Variants in GPR55 observed in about 807,000 individuals in gnomAD.
GPR55 encodes G-protein coupled receptor 55.
In GPR55, 6 loss-of-function variants were observed where a neutral mutation model predicts 7.9. That is an observed-to-expected ratio of 0.76 (90% CI 0.41 to 1.49). GPR55 has a LOEUF of 1.49. GPR55 is among the 40% of genes most tolerant of loss of function. GPR55 has a pLI of 0.01. For missense variants in GPR55, 376 were observed against 406.0 expected, an observed-to-expected ratio of 0.93 and a Z score of 0.63; for synonymous variants, 183 against 166.8, an observed-to-expected ratio of 1.10 and a Z score of -0.75.
At chr2:230,954,948 T>C (rs1166012942) in intron 1 of GPR55, among the ~76,000 whole-genome samples, 1 of 152,218 alleles carries the variant, frequency 6.6e-6, no homozygotes, top group African/African-American at 2.4e-5. Context: ...GAATCCTTAA[T>C]ATAGTCTTCT....
chr2:230,912,411 G>A (rs1411013701), intron 1 of GPR55, among the ~76,000 whole-genome samples: 8 of 152,098 alleles, frequency 5.3e-5, no homozygotes, highest in Admixed American at 5.2e-4. Context: ...AGTGACCACT[G>A]CAGCTATTTA....
Position 230,907,628 on chromosome 2 carries a change from C to G in GPR55, c.*2375G>C, listed in dbSNP as rs965841135. ...ACAGGTCCATAGTTGTCACATCACA[C>G]TGAGACTGCTGATACCCTCCAAGGA... On this transcript the variant is annotated 3_prime_UTR_variant, in exon 2 of 2. Transcript: ENST00000650999. 1 of 152,294 alleles carries G rather than the reference C, an allele frequency of 6.6e-6. No individual in the cohort carries two copies. Among genetic ancestry groups the G allele is most frequent in the African/African-American group, 2.4e-5 (1 of 41,438 alleles). The allele number at this position is 152,294 out of a possible 1,614,324, so 9.4% of individuals were successfully genotyped here. A position where few individuals can be genotyped will look rare whatever the true frequency, so the allele number is the denominator to read the frequency against.
intron 1 of GPR55, among the ~76,000 whole-genome samples, chr2:230,956,533 T>C (rs943038226): frequency 9.3e-4 from 142 of 152,270 alleles, no homozygotes; most frequent in African/African-American, 3.4e-3. Context: ...AAACACCCAA[T>C]TACCCTTCAC....
At chr2:230,947,354 C>T (rs965091686) in intron 1 of GPR55, among the ~76,000 whole-genome samples, 2 of 152,102 alleles carry the variant, frequency 1.3e-5, no homozygotes, top group African/African-American at 2.4e-5. Context: ...GGCAAGAGCA[C>T]GATGAAAGAG....
intron 1 of GPR55, among the ~76,000 whole-genome samples, chr2:230,912,017 G>A (rs978666546): frequency 2.0e-5 from 3 of 152,032 alleles, no homozygotes; most frequent in Non-Finnish European, 4.4e-5. Context: ...ACTCAAATAC[G>A]ACCCAACTTC....
At position 230,944,199 on chromosome 2, in the gene GPR55, A is replaced by C. The variant is rs1691277625; in HGVS notation, c.-135+16576T>G. Among the ~76,000 whole-genome samples the C allele has an allele frequency of 6.6e-6, 1 of 152,192 alleles. No homozygotes were observed. The highest frequency in any genetic ancestry group is 6.5e-5 in the Admixed American group (1 of 15,286). On this transcript the variant is annotated intron_variant, in intron 1 of 1. Coordinates refer to the GPR55 transcript ENST00000392039. The surrounding 1 kb of genome is among the most constrained non-coding windows in gnomAD (Gnocchi z 4.2). The stretch of plus-strand genomic sequence containing the variant: ...AAGGAGACTTCCCAGGAAATTACCC[A>C]CCACTGGACATTGGACAGGGCAAAG...
At position 230,909,415 on chromosome 2, in the gene GPR55, A is replaced by G. The variant is rs963086611; in HGVS notation, c.*588T>C. The G allele has an allele frequency of 6.5e-6, 1 of 152,880 alleles. No homozygotes were observed. Among genetic ancestry groups the G allele is most frequent in the African/African-American group, 2.4e-5 (1 of 41,450 alleles). The allele number at this position is 152,880 out of a possible 1,614,324, so 9.5% of individuals were successfully genotyped here. A position where few individuals can be genotyped will look rare whatever the true frequency, so the allele number is the denominator to read the frequency against. ...GCTCACTGGAAACTTGGGGTGATCC[A>G]TGCTACTTGCCCAGCCCCAACACCA... On this transcript the variant is annotated 3_prime_UTR_variant, in exon 2 of 2. Transcript: ENST00000650999.
upstream of GPR55, among the ~76,000 whole-genome samples, chr2:230,925,555 G>A (rs1690928618): frequency 6.6e-6 from 1 of 152,166 alleles, no homozygotes; most frequent in Admixed American, 6.5e-5. Flanking sequence ...TCTGGAGGAG[G>A]AAGCCTCCTA....
At chr2:230,948,155 C>T (rs908516585) in intron 1 of GPR55, among the ~76,000 whole-genome samples, 3 of 152,106 alleles carry the variant, frequency 2.0e-5, no homozygotes, top group Admixed American at 6.5e-5. Context: ...AAGCACAGCC[C>T]CTATGCTTGG....
At chr2:230,960,970 G>T (rs111828771) in exon 1 of GPR55, 39 of 152,298 alleles carry the variant, frequency 2.6e-4, no homozygotes, top group African/African-American at 7.9e-4. Context: ...GAAGACAGGA[G>T]AAAAATCCCC....
At chr2:230,943,412 G>T (rs58396262) in intron 1 of GPR55, among the ~76,000 whole-genome samples, 171 of 152,324 alleles carry the variant, frequency 1.1e-3, no homozygotes, top group African/African-American at 3.6e-3. Context: ...AGCCAGCCCT[G>T]GGCATGGGTG....
chr2:230,950,774 C>T (rs942082178), intron 1 of GPR55, among the ~76,000 whole-genome samples: 1 of 152,118 alleles, frequency 6.6e-6, no homozygotes, highest in Admixed American at 6.5e-5. Context: ...CCTTCTCCAG[C>T]TCTCCTTTCA....
chr2:230,939,045 C>T (rs979389150), intron 1 of GPR55, among the ~76,000 whole-genome samples: 10 of 152,312 alleles, frequency 6.6e-5, no homozygotes, highest in African/African-American at 2.2e-4. Flanking sequence ...GGCCAGTTCT[C>T]GAGATGGAGA....
intron 1 of GPR55, among the ~76,000 whole-genome samples, chr2:230,942,298 TCCTGCCTCAGCCGGGCCTCCTGGC>T (rs1449803135): frequency 6.6e-6 from 1 of 152,066 alleles, no homozygotes; most frequent in Non-Finnish European, 1.5e-5. Flanking sequence ...TGCCTCCTTC[TCCTGCCTCAGCCGGGCCTCCTGGC>T]CCTGCCTCCC....
chr2:230,949,425 G>A (rs2125069127), intron 1 of GPR55, among the ~76,000 whole-genome samples: 1 of 152,334 alleles, frequency 6.6e-6, no homozygotes, highest in South Asian at 2.1e-4. Context: ...GCCTCCCAAT[G>A]TGCTGAGATC....
chr2:230,913,832 A>G (rs1295585014), intron 1 of GPR55, among the ~76,000 whole-genome samples: 1 of 152,254 alleles, frequency 6.6e-6, no homozygotes, highest in East Asian at 1.9e-4. Flanking sequence ...AAAGAGGAAG[A>G]TGGAATTGGC....
intron 1 of GPR55, among the ~76,000 whole-genome samples, chr2:230,915,937 C>T (rs1690703705): frequency 6.6e-6 from 1 of 151,980 alleles, no homozygotes; most frequent in Admixed American, 6.6e-5. Flanking sequence ...AAGAGATCAT[C>T]ACTAAGAAGA....
chr2:230,928,459 A>T (rs1331402071), upstream of GPR55: 1 of 152,250 alleles, frequency 6.6e-6, no homozygotes. Flanking sequence ...CGCAAATTGG[A>T]GTTACACATC....
Position 230,907,487 on chromosome 2 carries a change from C to T in GPR55, c.*2516G>A, listed in dbSNP as rs1049709001. ...ACTCTCGGCCCTCCTGCCGAGCAGCCGTAGTGGCCTGCAGCATGGACCTGT... is the reference window on the plus strand; with the variant it reads ...ACTCTCGGCCCTCCTGCCGAGCAGCTGTAGTGGCCTGCAGCATGGACCTGT... On this transcript the variant is annotated 3_prime_UTR_variant, in exon 2 of 2. Coordinates refer to ENST00000650999, the MANE Select transcript of GPR55 (RefSeq NM_005683.4). The T allele has an allele frequency of 2.0e-5, 3 of 152,280 alleles. No individual in the cohort carries two copies. Among genetic ancestry groups the T allele is most frequent in the Non-Finnish European group, 4.4e-5 (3 of 68,076 alleles). 9.4% of individuals were successfully genotyped at this position (152,280 alleles called of 1,614,324 possible).
Sources: allele counts gnomAD v4.1 joint callset (sites outside exome capture counted in the v4.1 genomes callset), GRCh38; gene constraint gnomAD v4.1.1; non-coding constraint Gnocchi (gnomAD v3.1); transcripts MANE v1.5; gene names NCBI Gene and HGNC (gene_info 2026-07-23, HGNC 2026-07-21).